The following CSMD1 variants were observed in gnomAD, a reference collection of about 807,000 sequenced individuals.
CSMD1 encodes the protein CUB and sushi domain-containing protein 1.
Under a neutral mutation model 417.5 loss-of-function variants are expected in CSMD1, and 213 were observed. That is an observed-to-expected ratio of 0.51 (90% CI 0.46 to 0.57). The LOEUF (loss-of-function observed/expected upper bound fraction) is 0.57, where lower values mean the gene tolerates loss of function less well. Ranked by LOEUF, CSMD1 falls within the 20% of genes least tolerant of loss-of-function variation. The probability of loss-of-function intolerance (pLI) is 0.00; values close to 1 mark genes in which losing one functional copy is unlikely to be tolerated. For synonymous variants in CSMD1, 2,862 were observed against 1,736.8 expected (o/e 1.65, Z -16.11); for missense variants, 6,923 against 4,529.7 (o/e 1.53, Z -15.17).
chr8:4,922,274 T>C (rs886493705), intron 1 of CSMD1, among the ~76,000 whole-genome samples: 1 of 152,146 alleles, frequency 6.6e-6, no homozygotes. Context: ...AATGTGTTGT[T>C]TAAAGGTATA....
chr8:3,551,228 C>T (rs187576842), intron 10 of CSMD1, among the ~76,000 whole-genome samples: 6 of 152,264 alleles, frequency 3.9e-5, no homozygotes, highest in Admixed American at 3.3e-4. Context: ...GTTTCTAAAG[C>T]ATGTAAATTT....
intron 14 of CSMD1, among the ~76,000 whole-genome samples, chr8:3,407,176 T>TA (rs55819606): frequency 0.68 from 102,909 of 151,020 alleles, 35,508 homozygotes; most frequent in Middle Eastern, 0.8. Flanking sequence ...GAAGGATGGA[T>TA]AATGGAAGGA....
chr8:3,807,322 T>C (rs958693058), intron 5 of CSMD1, among the ~76,000 whole-genome samples: 1 of 152,200 alleles, frequency 6.6e-6, no homozygotes, highest in Non-Finnish European at 1.5e-5. Context: ...TATCTGGTTT[T>C]GTACTTGACA....
intron 3 of CSMD1, among the ~76,000 whole-genome samples, chr8:4,152,183 G>C (rs919684242): frequency 1.3e-5 from 2 of 152,034 alleles, no homozygotes; most frequent in Admixed American, 6.6e-5. Context: ...AGCTAACATA[G>C]TTCTTACATC....
At chr8:3,241,114 AG>A (rs1799477471) in intron 26 of CSMD1, among the ~76,000 whole-genome samples, 1 of 151,378 alleles carries the variant, frequency 6.6e-6, no homozygotes, top group African/African-American at 2.4e-5. Flanking sequence ...ATTGGGAAGA[AG>A]GGCGGCAATG....
At chr8:4,278,919 C>T (rs977599516) in intron 3 of CSMD1, among the ~76,000 whole-genome samples, 2 of 152,100 alleles carry the variant, frequency 1.3e-5, no homozygotes, top group South Asian at 4.1e-4. Flanking sequence ...AAGTAACAAG[C>T]CTCATTTAAA....
chr8:3,732,900 A>C (rs1370827398), intron 6 of CSMD1, among the ~76,000 whole-genome samples: 1 of 152,062 alleles, frequency 6.6e-6, no homozygotes, highest in Non-Finnish European at 1.5e-5. Flanking sequence ...TCTATCATCT[A>C]TCTATCTATC....
intron 5 of CSMD1, 120 bp from the exon 6 acceptor site, chr8:3,754,162 G>C (rs1478603807): frequency 7.0e-6 from 4 of 574,724 alleles, no homozygotes; most frequent in East Asian, 3.0e-5. Context: ...TTAAAACAGA[G>C]GCCATGTATT....
At chr8:3,017,426 A>G (rs1808935573) in intron 52 of CSMD1, among the ~76,000 whole-genome samples, 1 of 152,238 alleles carries the variant, frequency 6.6e-6, no homozygotes, top group African/African-American at 2.4e-5. Flanking sequence ...TAATGAGGAC[A>G]CCCAACGACA....
At chr8:3,714,153 G>C (rs1009151829) in intron 6 of CSMD1, among the ~76,000 whole-genome samples, 4 of 149,696 alleles carry the variant, frequency 2.7e-5, no homozygotes, top group Non-Finnish European at 4.4e-5. Flanking sequence ...TATTTAGAAA[G>C]TTAATAACAT....
At chr8:3,992,098 CAAGAA>C (rs57470623) in intron 5 of CSMD1, among the ~76,000 whole-genome samples, 32,905 of 150,704 alleles carry the variant, frequency 0.22, 3,854 homozygotes, top group South Asian at 0.36. Context: ...TGCAGAGTAT[CAAGAA>C]AAGGAGAAAT....
chr8:4,462,459 C>A (rs1422384062), intron 2 of CSMD1, among the ~76,000 whole-genome samples: 10 of 152,068 alleles, frequency 6.6e-5, no homozygotes, highest in Admixed American at 6.6e-4. Context: ...CTATTAAAAT[C>A]TCTGCTGGCT....
intron 2 of CSMD1, among the ~76,000 whole-genome samples, chr8:4,449,093 G>T (rs571692922): frequency 3.3e-5 from 5 of 152,156 alleles, no homozygotes; most frequent in Non-Finnish European, 7.4e-5. Flanking sequence ...AGATTGAATA[G>T]CTTAAGAGAT....
At chr8:3,923,205 G>A (rs895278189) in intron 5 of CSMD1, among the ~76,000 whole-genome samples, 26 of 152,072 alleles carry the variant, frequency 1.7e-4, no homozygotes, top group African/African-American at 6.3e-4. Context: ...GGCTGACTCT[G>A]GAGCTCAGGC....
chr8:3,199,633 G>C (rs1226360323), intron 33 of CSMD1, 81 bp downstream of exon 33: 3 of 747,880 alleles, frequency 4.0e-6, no homozygotes, highest in Non-Finnish European at 6.1e-6. Flanking sequence ...GATGTTTTGA[G>C]TGCTTTGTCT....
At chr8:3,419,537 G>A (rs914010713) in intron 12 of CSMD1, among the ~76,000 whole-genome samples, 1 of 152,088 alleles carries the variant, frequency 6.6e-6, no homozygotes, top group South Asian at 2.1e-4. Context: ...TCAGGAGGAG[G>A]ATATTCAAGT....
intron 56 of CSMD1, among the ~76,000 whole-genome samples, chr8:2,973,816 GTGGTAGAGGATGATGGTAGAGGATGA>G (rs1317048352): frequency 3.3e-5 from 5 of 151,356 alleles, no homozygotes; most frequent in South Asian, 4.2e-4. Context: ...GCGGTTAATG[GTGGTAGAGGATGATGGTAGAGGATGA>G]TGGTAGAGGA....
At chr8:4,924,130 C>T (rs928228103) in intron 1 of CSMD1, among the ~76,000 whole-genome samples, 6 of 152,166 alleles carry the variant, frequency 3.9e-5, no homozygotes, top group African/African-American at 1.2e-4. Flanking sequence ...CATCCAGGCT[C>T]ACAAATAAAC....
At chr8:3,510,114 T>C (rs1797001361) in intron 10 of CSMD1, among the ~76,000 whole-genome samples, 1 of 149,388 alleles carries the variant, frequency 6.7e-6, no homozygotes, top group East Asian at 1.9e-4. Context: ...AGCCTGAACA[T>C]AAGGACATGA....
Sources: allele counts gnomAD v4.1 joint callset (sites outside exome capture counted in the v4.1 genomes callset), GRCh38; gene constraint gnomAD v4.1.1; transcripts MANE v1.5; gene names NCBI Gene and HGNC (gene_info 2026-07-23, HGNC 2026-07-21).